FAM13A: variants seen among roughly 807,000 people sequenced by gnomAD.
FAM13A encodes the protein protein FAM13A.
Under a neutral mutation model 129.6 loss-of-function variants are expected in FAM13A, and 76 were observed. The observed-to-expected ratio is 0.59, with a 90% CI of 0.49 to 0.71. The LOEUF (loss-of-function observed/expected upper bound fraction) is 0.71. Among genes scored for constraint, FAM13A ranks in the 30% least tolerant of loss-of-function variants. The pLI is 0.00. For synonymous variants in FAM13A, 443 were observed against 449.9 expected (o/e 0.98, Z 0.20); for missense variants, 1,108 against 1,249.3 (o/e 0.89, Z 1.70).
At chr4:88,851,313 T>C in intron 6 of FAM13A, 130 bp from the exon 7 acceptor site, 1 of 728,904 alleles carries the variant, frequency 1.4e-6, no homozygotes, top group Non-Finnish European at 2.1e-6. Flanking sequence ...CAGAAAAATA[T>C]CAAGCTAAAA....
At chr4:88,820,227 C>T (rs185662922) in intron 7 of FAM13A, among the ~76,000 whole-genome samples, 1 of 152,264 alleles carries the variant, frequency 6.6e-6, no homozygotes, top group East Asian at 1.9e-4. Flanking sequence ...TAAAATCACA[C>T]ACTTACACGG....
At chr4:89,033,869 C>G (rs952334651) in intron 1 of FAM13A, among the ~76,000 whole-genome samples, 6 of 152,096 alleles carry the variant, frequency 3.9e-5, no homozygotes, top group African/African-American at 1.4e-4. Context: ...GGAAAACTGG[C>G]TAACCATATG....
intron 1 of FAM13A, among the ~76,000 whole-genome samples, chr4:89,046,202 C>T (rs1024128499): frequency 6.6e-5 from 10 of 151,638 alleles, no homozygotes; most frequent in Admixed American, 3.9e-4. Context: ...TAATTAATGA[C>T]TGGGAAAGTT....
At chr4:88,996,586 C>T (rs1011417864) in intron 3 of FAM13A, among the ~76,000 whole-genome samples, 3 of 152,134 alleles carry the variant, frequency 2.0e-5, no homozygotes, top group Admixed American at 6.5e-5. Context: ...AAAATGCCTA[C>T]CCTCATGGAG....
At chr4:88,852,805 A>G (rs1737830839) in intron 6 of FAM13A, among the ~76,000 whole-genome samples, 1 of 152,218 alleles carries the variant, frequency 6.6e-6, no homozygotes, top group African/African-American at 2.4e-5. Flanking sequence ...TAAAACAGAT[A>G]ATTTTTAAAA....
At chr4:88,851,935 A>G (rs1737630891) in intron 6 of FAM13A, among the ~76,000 whole-genome samples, 1 of 152,204 alleles carries the variant, frequency 6.6e-6, no homozygotes, top group Non-Finnish European at 1.5e-5. Flanking sequence ...TTTAAAATGT[A>G]AAAAATATTA....
intron 10 of FAM13A, among the ~76,000 whole-genome samples, chr4:88,786,248 C>G (rs1229933710): frequency 6.6e-6 from 1 of 152,136 alleles, no homozygotes; most frequent in East Asian, 1.9e-4. Flanking sequence ...ATGCTCCCCA[C>G]CACTTCCCAC....
chr4:88,833,669 T>A (rs562075731), intron 7 of FAM13A, among the ~76,000 whole-genome samples: 1 of 152,202 alleles, frequency 6.6e-6, no homozygotes, highest in Non-Finnish European at 1.5e-5. Context: ...GTGGATCACC[T>A]GAGGTCAGGA....
chr4:88,835,028 T>C (rs1734583355), intron 7 of FAM13A, among the ~76,000 whole-genome samples: 1 of 152,190 alleles, frequency 6.6e-6, no homozygotes, highest in South Asian at 2.1e-4. Flanking sequence ...ACAGAATTGA[T>C]CTCCCCAAAT....
intron 7 of FAM13A, among the ~76,000 whole-genome samples, chr4:88,820,718 C>T (rs1731727119): frequency 6.6e-6 from 1 of 152,172 alleles, no homozygotes; most frequent in Admixed American, 6.5e-5. Flanking sequence ...TGTTAAAATG[C>T]AGATGCTCTC....
At chr4:88,766,869 TAAGATTGA>T (rs1186023216) in intron 13 of FAM13A, among the ~76,000 whole-genome samples, 3 of 152,118 alleles carry the variant, frequency 2.0e-5, no homozygotes, top group African/African-American at 7.2e-5. Flanking sequence ...GCAAAACTGA[TAAGATTGA>T]AGGTGGAGTT....
rs144765862 is a variant in FAM13A, at chr4:88,761,001, G to C, written c.1579-2100C>G. 3.9e-5 allele frequency among the ~76,000 whole-genome samples: 6 copies of C among 151,998 alleles called. No individual in the cohort carries two copies. The East Asian group carries it at 1.2e-3, about 29-fold the overall frequency. On this transcript the variant is annotated intron_variant, in intron 13 of 23. Transcript: ENST00000264344. ...TTTTAAAGTATGGTATTTCCTTCAC[G>C]AGGAACATACATCAAGTCATTTAAG...
chr4:88,987,989 T>C (rs951377672), intron 4 of FAM13A, among the ~76,000 whole-genome samples: 6 of 152,156 alleles, frequency 3.9e-5, no homozygotes, highest in Non-Finnish European at 5.9e-5. Context: ...GGATGATGTC[T>C]GTTTTCTTAA....
chr4:88,862,503 C>T (rs1739655237), intron 6 of FAM13A, among the ~76,000 whole-genome samples: 1 of 152,126 alleles, frequency 6.6e-6, no homozygotes, highest in Non-Finnish European at 1.5e-5. Context: ...ATTTGCTATT[C>T]AGTAGGCAAC....
chr4:89,027,706 CATT>C (rs1459373074), intron 2 of FAM13A, among the ~76,000 whole-genome samples: 3 of 151,968 alleles, frequency 2.0e-5, no homozygotes, highest in Non-Finnish European at 4.4e-5. Flanking sequence ...GCTTTGGGGC[CATT>C]ATTAAGTAAA....
chr4:88,862,778 T>C (rs1375847072), intron 6 of FAM13A, among the ~76,000 whole-genome samples: 2 of 152,118 alleles, frequency 1.3e-5, no homozygotes, highest in East Asian at 3.8e-4. Context: ...AACCAGTTTT[T>C]TACGTGTAAA....
chr4:88,953,111 T>A (rs1757198539), intron 4 of FAM13A, among the ~76,000 whole-genome samples: 1 of 152,148 alleles, frequency 6.6e-6, no homozygotes, highest in African/African-American at 2.4e-5. Flanking sequence ...TTGAGACTAG[T>A]ACATCCATCA....
At chr4:89,042,027 A>G (rs1440962299) in intron 1 of FAM13A, among the ~76,000 whole-genome samples, 1 of 151,968 alleles carries the variant, frequency 6.6e-6, no homozygotes, top group Non-Finnish European at 1.5e-5. Flanking sequence ...GGTAGGGAAC[A>G]AAGTGCTCGG....
At chr4:88,832,562 A>G (rs1181628180) in intron 7 of FAM13A, among the ~76,000 whole-genome samples, 1 of 152,232 alleles carries the variant, frequency 6.6e-6, no homozygotes, top group East Asian at 1.9e-4. Flanking sequence ...CCCATTAAAA[A>G]GTGGGCAAGG....
Sources: gnomAD v4.1 joint callset for allele counts (sites outside exome capture counted in the v4.1 genomes callset) on GRCh38, gnomAD v4.1.1 for gene constraint, MANE v1.5 for transcripts, NCBI Gene and HGNC (gene_info 2026-07-23, HGNC 2026-07-21) for gene names.